Variants in ATP8B4 observed in about 807,000 individuals in gnomAD.
ATP8B4 encodes the protein ATPase phospholipid transporting 8B4 (putative), also known as probable phospholipid-transporting ATPase IM.
Under a neutral mutation model 145.6 loss-of-function variants are expected in ATP8B4, and 133 were observed. The ratio of observed to expected loss-of-function variants is 0.91; its 90% confidence interval spans 0.79 to 1.05. The LOEUF (loss-of-function observed/expected upper bound fraction) is 1.05, where lower values mean the gene tolerates loss of function less well. Ranked by LOEUF, ATP8B4 falls within the 50% of genes least tolerant of loss-of-function variation. The pLI is 0.00. For synonymous variants in ATP8B4, 507 were observed against 492.9 expected, an observed-to-expected ratio of 1.03 and a Z score of -0.38; for missense variants, 1,458 against 1,425.2, an observed-to-expected ratio of 1.02 and a Z score of -0.37.
At chr15:50,136,165 G>A (rs2044119169) in intron 1 of ATP8B4, among the ~76,000 whole-genome samples, 1 of 152,128 alleles carries the variant, frequency 6.6e-6, no homozygotes, top group Non-Finnish European at 1.5e-5. Flanking sequence ...CTTAGCCCAG[G>A]ATTTATGAGG....
At chr15:49,926,314 C>T (rs1312144861) in intron 16 of ATP8B4, among the ~76,000 whole-genome samples, 2 of 152,124 alleles carry the variant, frequency 1.3e-5, no homozygotes, top group Non-Finnish European at 2.9e-5. Flanking sequence ...TCCATTCAGT[C>T]TCCCAAATCA....
chr15:50,010,203 A>G (rs2048624230), intron 7 of ATP8B4, among the ~76,000 whole-genome samples: 1 of 152,136 alleles, frequency 6.6e-6, no homozygotes, highest in Admixed American at 6.6e-5. Context: ...TCTGATCTCA[A>G]TAACTTTTGT....
intron 23 of ATP8B4, chr15:49,879,730 C>T (rs2035084223): frequency 3.3e-6 from 1 of 302,150 alleles, no homozygotes; most frequent in Non-Finnish European, 6.1e-6. Flanking sequence ...TGCAGCAGTA[C>T]CCCTAACATA....
intron 5 of ATP8B4, among the ~76,000 whole-genome samples, chr15:50,041,355 A>C (rs2051269111): frequency 6.6e-6 from 1 of 152,218 alleles, no homozygotes; most frequent in African/African-American, 2.4e-5. Flanking sequence ...CTTTGAAAAG[A>C]CATAATGAGA....
intron 17 of ATP8B4, among the ~76,000 whole-genome samples, chr15:49,921,643 G>A (rs1599151991): frequency 1.3e-5 from 2 of 152,276 alleles, no homozygotes; most frequent in South Asian, 4.1e-4. Context: ...CCTCTGTGGT[G>A]TTTTGGCGTA....
intron 3 of ATP8B4, among the ~76,000 whole-genome samples, chr15:50,062,502 T>C (rs2053098804): frequency 6.6e-6 from 1 of 152,146 alleles, no homozygotes. Context: ...TACTTCTTTA[T>C]GGCAATGCAA....
At chr15:50,082,376 A>T (rs953123870) in intron 2 of ATP8B4, among the ~76,000 whole-genome samples, 1 of 151,548 alleles carries the variant, frequency 6.6e-6, no homozygotes, top group African/African-American at 2.4e-5. Context: ...GAATAGAAGG[A>T]AAAAAAAACC....
chr15:49,947,813 T>C (rs2153485484), intron 14 of ATP8B4, among the ~76,000 whole-genome samples: 1 of 151,936 alleles, frequency 6.6e-6, no homozygotes, highest in African/African-American at 2.4e-5. Context: ...AACACAGAAA[T>C]AAACCCACAC....
chr15:49,889,013 CAT>C (rs2036511000), intron 23 of ATP8B4, among the ~76,000 whole-genome samples: 1 of 152,002 alleles, frequency 6.6e-6, no homozygotes, highest in Non-Finnish European at 1.5e-5. Context: ...ATTTCCTCCA[CAT>C]AGTCATATTG....
intron 20 of ATP8B4, among the ~76,000 whole-genome samples, chr15:49,913,546 G>GA (rs1435487813): frequency 6.6e-6 from 1 of 152,082 alleles, no homozygotes; most frequent in African/African-American, 2.4e-5. Flanking sequence ...GAAAAAAATA[G>GA]AAGCCATCCA....
Position 49,862,225 on chromosome 15 carries a change from TC to T in ATP8B4, c.3297+19del. On this transcript the variant is annotated intron_variant, in intron 27 of 27. Coordinates refer to ENST00000284509, the MANE Select transcript of ATP8B4 (RefSeq NM_024837.4). ...GAGCCAAAAACCAGCCTTCAAGTATTCATCAGCACTGTGACATACCTGATCA... is the reference window on the plus strand; with the variant it reads ...GAGCCAAAAACCAGCCTTCAAGTATTATCAGCACTGTGACATACCTGATCA... 2 of 1,605,630 alleles carry T rather than the reference TC, an allele frequency of 1.2e-6. No homozygotes were observed. Among genetic ancestry groups the T allele is most frequent in the Non-Finnish European group, 1.7e-6 (2 of 1,174,874 alleles).
intron 1 of ATP8B4, among the ~76,000 whole-genome samples, chr15:50,135,192 G>A (rs949127401): frequency 6.6e-5 from 10 of 152,254 alleles, no homozygotes; most frequent in African/African-American, 2.4e-4. Flanking sequence ...TTTGAGATAT[G>A]AGTGTGACAC....
At chr15:50,124,855 G>A (rs1219334782) in intron 1 of ATP8B4, among the ~76,000 whole-genome samples, 1 of 152,170 alleles carries the variant, frequency 6.6e-6, no homozygotes, top group Admixed American at 6.5e-5. Flanking sequence ...TCCAGAACTA[G>A]ATGACCCAGC....
At position 50,008,864 on chromosome 15, in the gene ATP8B4, C is replaced by T. The variant is rs570247367; in HGVS notation, c.435+1981G>A. Among the ~76,000 whole-genome samples, 3 of 152,320 alleles carry T rather than the reference C, an allele frequency of 2.0e-5. No individual in the cohort carries two copies. The East Asian group carries it at 5.8e-4, about 29-fold the overall frequency. On this transcript the variant is annotated intron_variant, in intron 7 of 27. Coordinates refer to ENST00000284509, the MANE Select transcript of ATP8B4 (RefSeq NM_024837.4). ...GCACGTTCATGGGGCTCCTAACACT[C>T]ATTGTTTTTACTGAATACCTGAAGT...
intron 13 of ATP8B4, among the ~76,000 whole-genome samples, chr15:49,967,640 A>G (rs143426023): frequency 0.031 from 4,765 of 152,298 alleles, 260 homozygotes; most frequent in African/African-American, 0.11. Flanking sequence ...GACCAAACCT[A>G]CGTTTCATTG....
chr15:49,989,494 A>T (rs1008684949), intron 9 of ATP8B4, among the ~76,000 whole-genome samples: 5 of 152,164 alleles, frequency 3.3e-5, no homozygotes, highest in Non-Finnish European at 7.3e-5. Flanking sequence ...TATAAAAAAC[A>T]GGTTCATTTG....
intron 25 of ATP8B4, among the ~76,000 whole-genome samples, chr15:49,868,646 A>C (rs997032895): frequency 4.6e-5 from 7 of 152,172 alleles, no homozygotes; most frequent in African/African-American, 1.7e-4. Flanking sequence ...TTAAATTCTA[A>C]ATAATTAACA....
At chr15:49,863,321 A>T (rs1348408200) in intron 26 of ATP8B4, among the ~76,000 whole-genome samples, 2 of 152,218 alleles carry the variant, frequency 1.3e-5, no homozygotes, top group African/African-American at 4.8e-5. Context: ...GGGCAATAGG[A>T]CAGTGAAACT....
chr15:50,047,219 C>G, intron 4 of ATP8B4, 132 bp downstream of exon 4: 1 of 622,092 alleles, frequency 1.6e-6, no homozygotes, highest in Non-Finnish European at 2.8e-6. Context: ...ACAGCAACAA[C>G]AAGATTAAAA....
Sources: gnomAD v4.1 joint callset for allele counts (sites outside exome capture counted in the v4.1 genomes callset) on GRCh38, gnomAD v4.1.1 for gene constraint, MANE v1.5 for transcripts, NCBI Gene and HGNC (gene_info 2026-07-23, HGNC 2026-07-21) for gene names.